The following ITPR1 variants were observed in gnomAD, a reference collection of about 807,000 sequenced individuals.
ITPR1 encodes inositol 1,4,5-trisphosphate receptor type 1.
A neutral mutation model predicts 318.4 loss-of-function variants in ITPR1; 96 were observed. That is an observed-to-expected ratio of 0.30 (90% CI 0.26 to 0.36). ITPR1 has a LOEUF of 0.36. Among genes scored for constraint, ITPR1 ranks in the 10% least tolerant of loss-of-function variants. The pLI is 1.00. For missense variants in ITPR1, 2,440 were observed against 3,460.2 expected (o/e 0.71, Z 7.40); for synonymous variants, 1,312 against 1,289.9 (o/e 1.02, Z -0.37).
At chr3:4,756,663 G>A (rs1049719512) in intron 44 of ITPR1, among the ~76,000 whole-genome samples, 10 of 151,818 alleles carry the variant, frequency 6.6e-5, no homozygotes, top group Admixed American at 2.0e-4. Context: ...ATATGATCTC[G>A]TTCTTTTTCA....
intron 23 of ITPR1, among the ~76,000 whole-genome samples, chr3:4,676,048 C>G (rs1446377456): frequency 6.6e-6 from 1 of 151,784 alleles, no homozygotes; most frequent in African/African-American, 2.4e-5. Flanking sequence ...AGTTGATGAT[C>G]AATAAAATTT....
chr3:4,727,418 C>CT (rs1208645401), intron 42 of ITPR1, among the ~76,000 whole-genome samples: 3 of 152,028 alleles, frequency 2.0e-5, no homozygotes, highest in African/African-American at 7.2e-5. Flanking sequence ...TTTTCATGTC[C>CT]TTTTTTCTTT....
intron 4 of ITPR1, among the ~76,000 whole-genome samples, chr3:4,569,472 G>T (rs73807295): frequency 9.2e-5 from 14 of 152,042 alleles, no homozygotes; most frequent in African/African-American, 3.4e-4. Flanking sequence ...AATATTGAGC[G>T]TCAACAAACA....
chr3:4,808,885 G>T (rs2048758687), intron 55 of ITPR1, among the ~76,000 whole-genome samples: 1 of 152,154 alleles, frequency 6.6e-6, no homozygotes, highest in South Asian at 2.1e-4. Context: ...AGACTGGCCG[G>T]ACCTGGTCGT....
intron 4 of ITPR1, among the ~76,000 whole-genome samples, chr3:4,591,836 C>T (rs961896247): frequency 3.9e-5 from 6 of 152,022 alleles, no homozygotes; most frequent in African/African-American, 7.3e-5. Context: ...CTCACTTCAA[C>T]GTGGCTGATT....
chr3:4,644,013 A>T, intron 7 of ITPR1, 123 bp from the exon 8 acceptor site: 2 of 671,124 alleles, frequency 3.0e-6, no homozygotes, highest in Non-Finnish European at 5.6e-6. Context: ...ACATCTTTAT[A>T]CTTGCTGGGG....
chr3:4,604,752 A>T (rs1437264480), intron 4 of ITPR1, among the ~76,000 whole-genome samples: 1 of 152,070 alleles, frequency 6.6e-6, no homozygotes, highest in Non-Finnish European at 1.5e-5. Flanking sequence ...GACTACCAGA[A>T]TAGAGATCTT....
intron 4 of ITPR1, among the ~76,000 whole-genome samples, chr3:4,565,089 G>A (rs975561232): frequency 1.3e-5 from 2 of 152,158 alleles, no homozygotes; most frequent in African/African-American, 4.8e-5. Flanking sequence ...CATCTGGTGT[G>A]TACTGAGCAT....
At chr3:4,833,561 G>A (rs1182349079) in intron 60 of ITPR1, among the ~76,000 whole-genome samples, 1 of 152,228 alleles carries the variant, frequency 6.6e-6, no homozygotes, top group Admixed American at 6.5e-5. Flanking sequence ...AGTGAGGACT[G>A]TGAATGTCCA....
At chr3:4,653,373 T>C (rs961596317) in intron 11 of ITPR1, among the ~76,000 whole-genome samples, 2 of 152,200 alleles carry the variant, frequency 1.3e-5, no homozygotes, top group African/African-American at 2.4e-5. Flanking sequence ...AAGTTCAAAT[T>C]TGAGATAAAG....
chr3:4,610,725 G>T (rs1377457399), intron 4 of ITPR1, among the ~76,000 whole-genome samples: 3 of 152,132 alleles, frequency 2.0e-5, no homozygotes, highest in African/African-American at 7.2e-5. Flanking sequence ...CTTAGGGCAG[G>T]GCATTCTCAT....
chr3:4,623,977 A>T (rs895591521), intron 4 of ITPR1, among the ~76,000 whole-genome samples: 1 of 152,206 alleles, frequency 6.6e-6, no homozygotes, highest in Non-Finnish European at 1.5e-5. Flanking sequence ...CCTTAGGGGA[A>T]TGTAAAGTTA....
intron 4 of ITPR1, among the ~76,000 whole-genome samples, chr3:4,585,368 C>T (rs1182416703): frequency 6.6e-6 from 1 of 152,160 alleles, no homozygotes; most frequent in African/African-American, 2.4e-5. Flanking sequence ...CTTATCAGTC[C>T]TGGTACACAA....
chr3:4,544,289 T>G (rs1191474124), intron 4 of ITPR1, among the ~76,000 whole-genome samples: 1 of 152,224 alleles, frequency 6.6e-6, no homozygotes, highest in African/African-American at 2.4e-5. Context: ...TCCAAGTGAT[T>G]CTCCTTCCAT....
intron 39 of ITPR1, among the ~76,000 whole-genome samples, chr3:4,714,893 T>C (rs917795829): frequency 6.6e-6 from 1 of 152,176 alleles, no homozygotes; most frequent in South Asian, 2.1e-4. Flanking sequence ...GACTAAAACA[T>C]GATAGAATCA....
intron 55 of ITPR1, among the ~76,000 whole-genome samples, chr3:4,810,469 G>A (rs1228861267): frequency 6.6e-6 from 1 of 152,190 alleles, no homozygotes; most frequent in Non-Finnish European, 1.5e-5. Context: ...CCTTAGCAGA[G>A]GGCAAGCCTG....
chr3:4,741,414 C>T (rs533275063), intron 44 of ITPR1, among the ~76,000 whole-genome samples: 2 of 152,222 alleles, frequency 1.3e-5, no homozygotes, highest in Non-Finnish European at 2.9e-5. Flanking sequence ...CAGACACACC[C>T]GAAAAGGGTT....
chr3:4,534,173 G>A (rs1186512629), intron 4 of ITPR1, among the ~76,000 whole-genome samples: 1 of 152,188 alleles, frequency 6.6e-6, no homozygotes, highest in Non-Finnish European at 1.5e-5. Flanking sequence ...TGGATGTATT[G>A]TGTAGTGGTG....
chr3:4,745,748 A>G (rs2044058755), intron 44 of ITPR1, among the ~76,000 whole-genome samples: 1 of 152,170 alleles, frequency 6.6e-6, no homozygotes, highest in Admixed American at 6.5e-5. Context: ...ATTTCTGCTC[A>G]AATCCCTGAT....
Sources: gnomAD v4.1 joint callset for allele counts (sites outside exome capture counted in the v4.1 genomes callset) on GRCh38, gnomAD v4.1.1 for gene constraint, MANE v1.5 for transcripts, NCBI Gene and HGNC (gene_info 2026-07-23, HGNC 2026-07-21) for gene names.